C3orf22: variants seen among roughly 807,000 people sequenced by gnomAD.
C3orf22 encodes chromosome 3 open reading frame 22.
A neutral mutation model predicts 10.8 loss-of-function variants in C3orf22; 7 were observed. That is an observed-to-expected ratio of 0.65 (90% confidence interval 0.37 to 1.22). The LOEUF is 1.22. Among genes scored for constraint, C3orf22 ranks in the 50% most tolerant of loss-of-function variants. The pLI is 0.02. For missense variants in C3orf22, 173 were observed against 177.0 expected, an observed-to-expected ratio of 0.98 and a Z score of 0.13; for synonymous variants, 79 against 78.9, an observed-to-expected ratio of 1.00 and a Z score of 0.00.
chr3:126,558,209 T>C (rs1052492402), intron 1 of C3orf22, among the ~76,000 whole-genome samples: 4 of 152,204 alleles, frequency 2.6e-5, no homozygotes, highest in African/African-American at 9.7e-5. Context: ...CTCACCCCCA[T>C]AATTCAAGTG....
chr3:126,538,169 G>T (rs919953503), intron 4 of C3orf22, among the ~76,000 whole-genome samples: 3 of 152,246 alleles, frequency 2.0e-5, no homozygotes, highest in African/African-American at 7.2e-5. Flanking sequence ...GCTGCTTCCA[G>T]CCATGAGGAG....
chr3:126,529,280 T>C, exon 5 of C3orf22: 1 of 1,272,140 alleles, frequency 7.9e-7, no homozygotes, highest in Non-Finnish European at 1.0e-6. Context: ...GGGTGTCCTG[T>C]GTGCAGCAAT....
At chr3:126,536,967 C>T (rs1441332248) in intron 4 of C3orf22, among the ~76,000 whole-genome samples, 2 of 151,982 alleles carry the variant, frequency 1.3e-5, no homozygotes, top group Admixed American at 6.6e-5. Flanking sequence ...ATATTGAGCA[C>T]CTACTGCATG....
intron 4 of C3orf22, among the ~76,000 whole-genome samples, chr3:126,531,775 G>C (rs149244403): frequency 1.3e-3 from 193 of 152,336 alleles, no homozygotes; most frequent in Non-Finnish European, 2.2e-3. Flanking sequence ...GGGAACATTT[G>C]TGAACAAGTT....
chr3:126,528,104 G>A (rs1936573050), intron 5 of C3orf22, among the ~76,000 whole-genome samples: 1 of 151,576 alleles, frequency 6.6e-6, no homozygotes, highest in Non-Finnish European at 1.5e-5. Flanking sequence ...GCATGGAGGA[G>A]TGAAATGGCC....
chr3:126,538,535 A>G (rs1936850781), intron 4 of C3orf22, among the ~76,000 whole-genome samples: 1 of 152,270 alleles, frequency 6.6e-6, no homozygotes, highest in Admixed American at 6.5e-5. Flanking sequence ...AGCTGGGCTC[A>G]TGCCCTGACA....
At chr3:126,530,436 G>A (rs1936632505) in intron 4 of C3orf22, among the ~76,000 whole-genome samples, 1 of 152,218 alleles carries the variant, frequency 6.6e-6, no homozygotes, top group Non-Finnish European at 1.5e-5. Flanking sequence ...ACAGGCCTGG[G>A]TCGGCTTCTC....
downstream of C3orf22, among the ~76,000 whole-genome samples, chr3:126,547,989 A>C (rs1459044757): frequency 6.6e-6 from 1 of 152,212 alleles, no homozygotes; most frequent in Non-Finnish European, 1.5e-5. Context: ...AAAAAGTTGC[A>C]GAGTTTGACA....
intron 4 of C3orf22, among the ~76,000 whole-genome samples, chr3:126,540,101 GAC>G (rs1259736003): frequency 2.0e-5 from 3 of 150,802 alleles, no homozygotes; most frequent in East Asian, 4.0e-4. Context: ...ACACGCACAG[GAC>G]ACACACGCAT....
At chr3:126,541,946 C>T (rs933756121) in intron 4 of C3orf22, 2 of 1,586,334 alleles carry the variant, frequency 1.3e-6, no homozygotes, top group Non-Finnish European at 1.7e-6. Context: ...CGGCCAAGCC[C>T]GCGGCGACCC....
intron 4 of C3orf22, among the ~76,000 whole-genome samples, chr3:126,534,572 G>C (rs1276235820): frequency 6.9e-5 from 10 of 145,982 alleles, no homozygotes; most frequent in Non-Finnish European, 7.5e-5. Context: ...AGCCAGGAGA[G>C]AGACACACAC....
intron 1 of C3orf22, among the ~76,000 whole-genome samples, chr3:126,557,608 A>G (rs1473002357): frequency 6.6e-6 from 1 of 152,198 alleles, no homozygotes; most frequent in Non-Finnish European, 1.5e-5. Context: ...AACACAGGCC[A>G]CTGGGACCAT....
chr3:126,549,034 A>G (rs899647177), downstream of C3orf22, among the ~76,000 whole-genome samples: 5 of 151,970 alleles, frequency 3.3e-5, no homozygotes, highest in Admixed American at 3.3e-4. Context: ...TTCAGCAGGC[A>G]CCCCGCTGCC....
chr3:126,540,304 C>T (rs1055102895), intron 4 of C3orf22, among the ~76,000 whole-genome samples: 3 of 152,152 alleles, frequency 2.0e-5, no homozygotes, highest in Admixed American at 6.5e-5. Flanking sequence ...TAACTATCAC[C>T]GCTGTCTAAT....
chr3:126,548,974 G>T (rs78114019), downstream of C3orf22, among the ~76,000 whole-genome samples: 756 of 152,290 alleles, frequency 5.0e-3, 6 homozygotes, highest in African/African-American at 0.018. Flanking sequence ...ACTCCAAGGT[G>T]ACTTTCTAGC....
At chr3:126,545,228 A>G (rs1937047425), downstream of C3orf22, among the ~76,000 whole-genome samples, 1 of 152,222 alleles carries the variant, frequency 6.6e-6, no homozygotes, top group African/African-American at 2.4e-5. Flanking sequence ...GCACAAACCC[A>G]AGGTCACGCG....
chr3:126,550,389 C>T (rs1873393), intron 3 of C3orf22, among the ~76,000 whole-genome samples: 130,875 of 152,128 alleles, frequency 0.86, 56,813 homozygotes, highest in Middle Eastern at 0.95. Flanking sequence ...GGTCTCAAGT[C>T]CTGCCCAACC....
chr3:126,543,928 T>A, intron 4 of C3orf22, among the ~76,000 whole-genome samples: 1 of 152,146 alleles, frequency 6.6e-6, no homozygotes, highest in Non-Finnish European at 1.5e-5. Context: ...GCCTGGGCCC[T>A]TCCCCCACTG....
chr3:126,550,358 C>T (rs191167276), intron 3 of C3orf22, among the ~76,000 whole-genome samples: 56 of 152,320 alleles, frequency 3.7e-4, no homozygotes, highest in Middle Eastern at 6.8e-3. Flanking sequence ...TGAGCCCCAG[C>T]CCATAAGTGG....
Sources: allele counts gnomAD v4.1 joint callset (sites outside exome capture counted in the v4.1 genomes callset), GRCh38; gene constraint gnomAD v4.1.1; transcripts MANE v1.5; gene names NCBI Gene and HGNC (gene_info 2026-07-23, HGNC 2026-07-21).